ADAMTS6: variants seen among roughly 807,000 people sequenced by gnomAD.
ADAMTS6 encodes the protein A disintegrin and metalloproteinase with thrombospondin motifs 6.
ADAMTS6 carries 23 observed loss-of-function variants against 144.3 expected under a neutral mutation model. That is an observed-to-expected ratio of 0.16 (90% CI 0.11 to 0.23). ADAMTS6 has a LOEUF of 0.23. Among genes scored for constraint, ADAMTS6 ranks in the 10% least tolerant of loss-of-function variants. The pLI, the probability that ADAMTS6 is intolerant of heterozygous loss-of-function variation, is 1.00. For missense variants in ADAMTS6, 999 were observed against 1,379.6 expected (o/e 0.72, Z 4.37); for synonymous variants, 444 against 457.5 (o/e 0.97, Z 0.38).
intron 22 of ADAMTS6, among the ~76,000 whole-genome samples, chr5:65,175,751 T>C (rs1311003682): frequency 1.3e-5 from 2 of 152,132 alleles, no homozygotes; most frequent in Non-Finnish European, 2.9e-5. Flanking sequence ...AAAATTCCCT[T>C]AACCCAGCAG....
At chr5:65,238,932 A>G (rs1323005030) in intron 15 of ADAMTS6, among the ~76,000 whole-genome samples, 1 of 152,224 alleles carries the variant, frequency 6.6e-6, no homozygotes, top group Non-Finnish European at 1.5e-5. Context: ...GACATTAACA[A>G]CTGATGCAAA....
At chr5:65,325,978 T>C (rs1246735652) in intron 9 of ADAMTS6, among the ~76,000 whole-genome samples, 2 of 152,206 alleles carry the variant, frequency 1.3e-5, no homozygotes, top group Non-Finnish European at 2.9e-5. Context: ...ATCATCAAGA[T>C]AATAAAATTC....
At chr5:65,215,189 C>T (rs1310387254) in intron 19 of ADAMTS6, 135 bp downstream of exon 19, 4 of 1,141,666 alleles carry the variant, frequency 3.5e-6, no homozygotes, top group Non-Finnish European at 4.9e-6. Context: ...AGCTCTAACA[C>T]CCTTGGGTAA....
chr5:65,440,688 A>T (rs991060090), intron 7 of ADAMTS6, among the ~76,000 whole-genome samples: 1 of 152,172 alleles, frequency 6.6e-6, no homozygotes, highest in African/African-American at 2.4e-5. Flanking sequence ...TAGAGGTAAT[A>T]ATGCCTAGCA....
intron 7 of ADAMTS6, among the ~76,000 whole-genome samples, chr5:65,371,996 C>T (rs1246048021): frequency 6.6e-6 from 1 of 152,006 alleles, no homozygotes; most frequent in Admixed American, 6.5e-5. Context: ...GAATTTTCAA[C>T]CCCGAATTTC....
intron 9 of ADAMTS6, among the ~76,000 whole-genome samples, chr5:65,302,710 A>C (rs1419750189): frequency 6.6e-6 from 1 of 152,124 alleles, no homozygotes; most frequent in Non-Finnish European, 1.5e-5. Flanking sequence ...TAAATGTGTA[A>C]TGTTTCTTAT....
At chr5:65,471,223 A>G in intron 2 of ADAMTS6, 81 bp from the exon 3 acceptor site, 2 of 1,391,446 alleles carry the variant, frequency 1.4e-6, no homozygotes, top group South Asian at 1.4e-5. Flanking sequence ...AAGCAGCAAT[A>G]TAAACAACAA....
chr5:65,455,801 CT>C (rs1269882674), intron 4 of ADAMTS6, among the ~76,000 whole-genome samples: 1 of 151,790 alleles, frequency 6.6e-6, no homozygotes. Context: ...AAAACTCCAT[CT>C]CAAAAATAAT....
rs1253165221 is a variant in ADAMTS6, at chr5:65,210,449, T to C, written c.2575+4345A>G. The C allele has an allele frequency of 1.6e-3, 184 of 114,270 alleles. 1 individual carries two copies. Among genetic ancestry groups the C allele is most frequent in the African/African-American group, 0.012 (181 of 15,590 alleles). 7.1% of individuals were successfully genotyped at this position (114,270 alleles called of 1,614,324 possible). On this transcript the variant is annotated intron_variant, in intron 20 of 24. Transcript: ENST00000381055. ...CTGGGCGACAGAGCGAAACTCCGTC[T>C]CAAAAAAAAAAAAAAAAAAAAGATC...
In ADAMTS6 at chr5:65,359,387, T is replaced by C. The variant is rs562153431; in HGVS notation, c.1074-25302A>G. Among the ~76,000 whole-genome samples, 3 of 152,254 alleles carry C rather than the reference T, an allele frequency of 2.0e-5. No homozygotes were observed. In the South Asian group the frequency reaches 6.2e-4, roughly 32 times the overall value. ...CATATCATACCTGTTAGAATGGCTA[T>C]CATCAAATAGACAAAAGATAATAAG... is the stretch of plus-strand genomic sequence containing the variant. On this transcript the variant is annotated intron_variant, in intron 7 of 24. Transcript: ENST00000381055.
At chr5:65,285,150 C>T (rs1437791397) in intron 11 of ADAMTS6, among the ~76,000 whole-genome samples, 1 of 152,172 alleles carries the variant, frequency 6.6e-6, no homozygotes, top group Non-Finnish European at 1.5e-5. Flanking sequence ...TTTCCTAAGA[C>T]ATAATATGCC....
intron 9 of ADAMTS6, among the ~76,000 whole-genome samples, chr5:65,310,133 G>C (rs996123436): frequency 6.6e-6 from 1 of 151,538 alleles, no homozygotes; most frequent in Non-Finnish European, 1.5e-5. Flanking sequence ...TCTTGCTCCT[G>C]CTCCCGCCAT....
intron 12 of ADAMTS6, among the ~76,000 whole-genome samples, chr5:65,268,204 C>T (rs1433573386): frequency 6.6e-6 from 1 of 152,166 alleles, no homozygotes; most frequent in Non-Finnish European, 1.5e-5. Context: ...ATGTCACTTA[C>T]ATGTAAACCC....
chr5:65,398,788 GAA>G (rs1753596976), intron 7 of ADAMTS6, among the ~76,000 whole-genome samples: 1 of 20,390 alleles, frequency 4.9e-5, no homozygotes, highest in East Asian at 1.5e-3. Flanking sequence ...GAGCAAGAAA[GAA>G]AGAAAGAAAG....
At chr5:65,469,108 A>T (rs1335831315) in intron 3 of ADAMTS6, among the ~76,000 whole-genome samples, 1 of 152,194 alleles carries the variant, frequency 6.6e-6, no homozygotes, top group Non-Finnish European at 1.5e-5. Flanking sequence ...TCAATTTTTT[A>T]AAATATTATT....
At chr5:65,376,288 T>C (rs1052693355) in intron 7 of ADAMTS6, among the ~76,000 whole-genome samples, 2 of 151,590 alleles carry the variant, frequency 1.3e-5, no homozygotes, top group Admixed American at 6.6e-5. Flanking sequence ...AACATAAAAA[T>C]AAAAATACAA....
chr5:65,289,286 A>C (rs1580306308), intron 11 of ADAMTS6, among the ~76,000 whole-genome samples: 4 of 152,116 alleles, frequency 2.6e-5, no homozygotes, highest in Admixed American at 1.3e-4. Flanking sequence ...TGTAATCCCA[A>C]CACTTTGGGA....
intron 14 of ADAMTS6, among the ~76,000 whole-genome samples, chr5:65,249,827 T>C (rs1423918364): frequency 2.0e-4 from 31 of 152,362 alleles, no homozygotes; most frequent in Admixed American, 1.8e-3. Flanking sequence ...ACTCTGTACC[T>C]TGTCTTCACT....
chr5:65,316,510 A>G (rs1293545820), intron 9 of ADAMTS6, among the ~76,000 whole-genome samples: 1 of 152,188 alleles, frequency 6.6e-6, no homozygotes, highest in Admixed American at 6.5e-5. Flanking sequence ...TGTATATATA[A>G]GTGAAAGAAA....
Sources: gnomAD v4.1 joint callset for allele counts (sites outside exome capture counted in the v4.1 genomes callset) on GRCh38, gnomAD v4.1.1 for gene constraint, MANE v1.5 for transcripts, NCBI Gene and HGNC (gene_info 2026-07-23, HGNC 2026-07-21) for gene names.